FAM13A: variants seen among roughly 807,000 people sequenced by gnomAD.
The protein encoded by FAM13A is protein FAM13A.
FAM13A carries 76 observed loss-of-function variants against 129.6 expected under a neutral mutation model. The observed-to-expected ratio is 0.59, with a 90% CI of 0.49 to 0.71. The LOEUF is 0.71. Ranked by LOEUF, FAM13A falls within the 30% of genes least tolerant of loss-of-function variation. FAM13A has a pLI of 0.00. For missense variants in FAM13A, 1,108 were observed against 1,249.3 expected (o/e 0.89, Z 1.70); for synonymous variants, 443 against 449.9 (o/e 0.98, Z 0.20).
chr4:88,797,124 A>AT (rs938724557), intron 8 of FAM13A, among the ~76,000 whole-genome samples: 3 of 151,518 alleles, frequency 2.0e-5, no homozygotes, highest in South Asian at 2.1e-4. Context: ...GGTCCTACTA[A>AT]TTTTTTTTTA....
intron 5 of FAM13A, chr4:88,936,695 A>T (rs1309254735): frequency 6.6e-6 from 1 of 152,148 alleles, no homozygotes; most frequent in Non-Finnish European, 1.5e-5. Context: ...CCTGCCTAAG[A>T]TTATATTTAT....
intron 6 of FAM13A, among the ~76,000 whole-genome samples, chr4:88,852,132 A>G (rs575549803): frequency 6.6e-6 from 1 of 150,826 alleles, no homozygotes; most frequent in Admixed American, 6.6e-5. Flanking sequence ...AGATAACTCC[A>G]GTGGACTTTC....
chr4:88,814,795 GC>G (rs1440627015), intron 7 of FAM13A, among the ~76,000 whole-genome samples: 1 of 151,736 alleles, frequency 6.6e-6, no homozygotes, highest in Non-Finnish European at 1.5e-5. Flanking sequence ...TCTGAGTAAA[GC>G]AGTTCAATTC....
intron 8 of FAM13A, among the ~76,000 whole-genome samples, chr4:88,794,410 C>T (rs1208448204): frequency 6.6e-6 from 1 of 151,890 alleles, no homozygotes; most frequent in African/African-American, 2.4e-5. Context: ...AACTATATTT[C>T]CTTAAGCCAA....
chr4:88,968,392 C>T (rs1174937989), intron 4 of FAM13A, among the ~76,000 whole-genome samples: 1 of 152,080 alleles, frequency 6.6e-6, no homozygotes, highest in Non-Finnish European at 1.5e-5. Flanking sequence ...ATAGCAAGTA[C>T]AAAAATATAT....
chr4:88,870,809 A>T (rs111646113), intron 6 of FAM13A, among the ~76,000 whole-genome samples: 3 of 152,320 alleles, frequency 2.0e-5, no homozygotes, highest in African/African-American at 7.2e-5. Flanking sequence ...GAGCAGACAG[A>T]CTGCCTCCTC....
rs188555368 is a variant in FAM13A at position 89,013,695 on chromosome 4, A to C, written c.427+6765T>G. 2.6e-5 allele frequency among the ~76,000 whole-genome samples: 4 copies of C among 152,338 alleles called. No individual in the cohort carries two copies. The East Asian group carries it at 7.7e-4, about 29-fold the overall frequency. ...ACCTACTGGCTTCCAGTCCTATAAAAGTATAGCATACACAATTAGATTCGG... is the reference window on the plus strand; with the variant it reads ...ACCTACTGGCTTCCAGTCCTATAAACGTATAGCATACACAATTAGATTCGG... On this transcript the variant is annotated intron_variant, in intron 3 of 23. Transcript: ENST00000264344.
chr4:88,995,311 G>A (rs1367339882), intron 3 of FAM13A, among the ~76,000 whole-genome samples: 1 of 152,142 alleles, frequency 6.6e-6, no homozygotes, highest in Non-Finnish European at 1.5e-5. Context: ...TGGATTGAAG[G>A]ATGCAAAGTA....
Position 88,826,327 on chromosome 4 carries a change from A to C in FAM13A, c.1008-21275T>G, listed in dbSNP as rs973022457. Among the ~76,000 whole-genome samples, 12 of 152,080 alleles carry C rather than the reference A, an allele frequency of 7.9e-5. No homozygotes were observed. In the East Asian group the frequency reaches 1.5e-3, roughly 20 times the overall value. ...CACGTAGGATTAAAAAAAAAAAAAA[A>C]AAAACCATTCCTGACCCTCCTGAGC... On this transcript the variant is annotated intron_variant, in intron 7 of 23. Coordinates refer to ENST00000264344, the MANE Select transcript of FAM13A (RefSeq NM_014883.4).
At chr4:88,960,237 T>C (rs1415246013) in intron 4 of FAM13A, among the ~76,000 whole-genome samples, 3 of 152,200 alleles carry the variant, frequency 2.0e-5, no homozygotes, top group Non-Finnish European at 1.5e-5. Context: ...AGGAAAATAA[T>C]CTCAGTTATT....
At chr4:88,834,470 G>C (rs1053962781) in intron 7 of FAM13A, among the ~76,000 whole-genome samples, 1 of 152,014 alleles carries the variant, frequency 6.6e-6, no homozygotes, top group African/African-American at 2.4e-5. Context: ...AAAAAGCACT[G>C]AAATTAACTC....
rs116804082 is a variant in FAM13A at position 88,858,613 on chromosome 4, T to C, written c.844-7430A>G. Among the ~76,000 whole-genome samples the C allele has an allele frequency of 6.5e-3, 991 of 152,264 alleles. 16 individuals are homozygous for C. Among genetic ancestry groups the C allele is most frequent in the African/African-American group, 0.023 (947 of 41,554 alleles). ...GAGCATAGATGAATCCTGAAAACAT[T>C]ATGCCAAGTGAAAGGAGGCAGAAAC... is the stretch of plus-strand genomic sequence containing the variant. On this transcript the variant is annotated intron_variant, in intron 6 of 23. Coordinates refer to ENST00000264344, the MANE Select transcript of FAM13A (RefSeq NM_014883.4).
At chr4:88,932,889 C>A (rs1753268352) in intron 5 of FAM13A, among the ~76,000 whole-genome samples, 1 of 152,082 alleles carries the variant, frequency 6.6e-6, no homozygotes, top group Non-Finnish European at 1.5e-5. Context: ...GCTTAAAAGT[C>A]ATATAAGAAA....
rs561898766 is a variant in FAM13A, at chr4:88,742,551, T to C, written c.2467-3426A>G. 3.9e-5 allele frequency among the ~76,000 whole-genome samples: 6 copies of C among 152,308 alleles called. No individual in the cohort carries two copies. In the South Asian group the frequency reaches 8.3e-4, roughly 21 times the overall value. On this transcript the variant is annotated intron_variant, in intron 19 of 23. Coordinates refer to ENST00000264344, the MANE Select transcript of FAM13A (RefSeq NM_014883.4). ...AATAACGACCTGATTTTTATCATAA[T>C]CATTTTCATAATATATATTTGAAGC...
intron 5 of FAM13A, among the ~76,000 whole-genome samples, chr4:88,921,444 C>T (rs1293757323): frequency 6.6e-6 from 1 of 152,064 alleles, no homozygotes; most frequent in Non-Finnish European, 1.5e-5. Flanking sequence ...TCATATCCAG[C>T]CAAACTAATC....
chr4:89,000,880 T>G (rs1297202607), intron 3 of FAM13A, among the ~76,000 whole-genome samples: 1 of 152,214 alleles, frequency 6.6e-6, no homozygotes, highest in Non-Finnish European at 1.5e-5. Flanking sequence ...GAATAAGTCC[T>G]CAAGGATAAA....
rs78337026 is a variant in FAM13A, at chr4:88,749,468, T to C, written c.2079+303A>G. On this transcript the variant is annotated intron_variant, in intron 16 of 23. Coordinates refer to ENST00000264344, the MANE Select transcript of FAM13A (RefSeq NM_014883.4). The stretch of plus-strand genomic sequence containing the variant: ...CAAGATTTCAGAAGATAATATTGAA[T>C]TAAATTTTAGTCAAACAAAGGATTT... Among the ~76,000 whole-genome samples, 668 of 152,310 alleles carry C rather than the reference T, an allele frequency of 4.4e-3. 7 individuals are homozygous for C. The highest frequency in any genetic ancestry group is 0.016 in the African/African-American group (650 of 41,554).
chr4:88,799,149 G>A (rs1726876650), intron 8 of FAM13A, among the ~76,000 whole-genome samples: 1 of 152,156 alleles, frequency 6.6e-6, no homozygotes, highest in African/African-American at 2.4e-5. Flanking sequence ...TCAATAATGA[G>A]TCTTAAAAAT....
In FAM13A at chr4:88,759,969, T is replaced by C. The variant is rs556808775; in HGVS notation, c.1579-1068A>G. 7.9e-5 allele frequency among the ~76,000 whole-genome samples: 12 copies of C among 152,338 alleles called. No individual in the cohort carries two copies. The East Asian group carries it at 2.3e-3, about 29-fold the overall frequency. On this transcript the variant is annotated intron_variant, in intron 13 of 23. Coordinates refer to ENST00000264344, the MANE Select transcript of FAM13A (RefSeq NM_014883.4). ...ATGAAACAGTTTGCTCACAAATGTA[T>C]TCCTTAAGTAGCACAGATGGGTACA...
Sources: gnomAD v4.1 joint callset for allele counts (sites outside exome capture counted in the v4.1 genomes callset) on GRCh38, gnomAD v4.1.1 for gene constraint, MANE v1.5 for transcripts, NCBI Gene and HGNC (gene_info 2026-07-23, HGNC 2026-07-21) for gene names.